Variants in PLXDC2 observed in about 807,000 individuals in gnomAD.
The protein encoded by PLXDC2 is plexin domain-containing protein 2.
In PLXDC2, 40 loss-of-function variants were observed where a neutral mutation model predicts 68.9. The ratio of observed to expected loss-of-function variants is 0.58; its 90% CI spans 0.45 to 0.76. The LOEUF is 0.76. PLXDC2 is among the 30% of genes least tolerant of loss of function. The pLI is 0.00. For synonymous variants in PLXDC2, 243 were observed against 234.2 expected, an observed-to-expected ratio of 1.04 and a Z score of -0.34; for missense variants, 644 against 661.9, an observed-to-expected ratio of 0.97 and a Z score of 0.30.
rs1836206585 is a variant in PLXDC2, at chr10:20,289,790, T to C, written c.*9971T>C. 1 of 152,230 alleles carries C rather than the reference T, an allele frequency of 6.6e-6. No homozygotes were observed. Among genetic ancestry groups the C allele is most frequent in the African/African-American group, 2.4e-5 (1 of 41,462 alleles). The allele number at this position is 152,230 out of a possible 1,614,324, so 9.4% of individuals were successfully genotyped here. On this transcript the variant is annotated 3_prime_UTR_variant, in exon 14 of 14. Transcript: ENST00000377252. ...ATTTTTTAAGAATCATACCTCTGTA[T>C]AGATCTTTTGGACTGTACTGATTAA...
At chr10:19,905,178 C>A (rs1195401295) in intron 1 of PLXDC2, among the ~76,000 whole-genome samples, 1 of 152,154 alleles carries the variant, frequency 6.6e-6, no homozygotes, top group Non-Finnish European at 1.5e-5. Flanking sequence ...GATAGATGAG[C>A]ACAGTTTACT....
intron 2 of PLXDC2, among the ~76,000 whole-genome samples, chr10:20,033,625 T>A (rs1244573116): frequency 6.6e-6 from 1 of 152,080 alleles, no homozygotes; most frequent in Non-Finnish European, 1.5e-5. Context: ...AGAGAGAGCT[T>A]GTGTGGGGTA....
chr10:20,044,291 TTCTTCTTTCTC>T, intron 2 of PLXDC2, among the ~76,000 whole-genome samples: 3 of 131,824 alleles, frequency 2.3e-5, no homozygotes, highest in Non-Finnish European at 4.8e-5. Context: ...CTTTCTTTCT[TTCTTCTTTCTC>T]TCTCTCTCTT....
chr10:20,211,864 GTCT>G, intron 10 of PLXDC2, 135 bp downstream of exon 10: 1 of 781,484 alleles, frequency 1.3e-6, no homozygotes, highest in Non-Finnish European at 2.0e-6. Flanking sequence ...TAAGCCCAAT[GTCT>G]GCAAATATTA....
chr10:20,214,599 G>A (rs1270906203), intron 10 of PLXDC2, among the ~76,000 whole-genome samples: 5 of 152,056 alleles, frequency 3.3e-5, no homozygotes, highest in Non-Finnish European at 7.4e-5. Flanking sequence ...TATTTTTTGA[G>A]TGGGGAGGGG....
chr10:20,217,697 TA>T, intron 11 of PLXDC2, 121 bp downstream of exon 11: 1 of 1,193,124 alleles, frequency 8.4e-7, no homozygotes, highest in Non-Finnish European at 1.1e-6. Context: ...TCTCTAAAGT[TA>T]TTCTTTGGCA....
chr10:19,989,798 G>A (rs1173429251), intron 1 of PLXDC2, among the ~76,000 whole-genome samples: 1 of 144,984 alleles, frequency 6.9e-6, no homozygotes, highest in Non-Finnish European at 1.5e-5. Flanking sequence ...CACCCAGGTT[G>A]GAGTGCAGTG....
intron 1 of PLXDC2, among the ~76,000 whole-genome samples, chr10:19,879,964 CAT>C (rs1010339976): frequency 1.3e-5 from 2 of 152,120 alleles, no homozygotes; most frequent in African/African-American, 4.8e-5. Context: ...TGTTTTGACT[CAT>C]GTGGATTGAC....
At chr10:20,196,391 CT>C (rs1197437510) in intron 9 of PLXDC2, among the ~76,000 whole-genome samples, 2 of 152,130 alleles carry the variant, frequency 1.3e-5, no homozygotes, top group Non-Finnish European at 2.9e-5. Flanking sequence ...CCCATAAGCA[CT>C]TCTCGACCTG....
At chr10:20,130,634 T>A (rs1388230988) in intron 4 of PLXDC2, among the ~76,000 whole-genome samples, 1 of 152,164 alleles carries the variant, frequency 6.6e-6, no homozygotes, top group East Asian at 1.9e-4. Flanking sequence ...GGACTTGTCA[T>A]ACATATTCTT....
rs183926474 is a variant in PLXDC2 at position 19,851,097 on chromosome 10, G to A, written c.112+33906G>A. ...ACAAAGTATTTTATGACATTGATAAGGGTAATAAATAGTGATGTCTTCACA... is the reference window on the plus strand; with the variant it reads ...ACAAAGTATTTTATGACATTGATAAAGGTAATAAATAGTGATGTCTTCACA... On this transcript the variant is annotated intron_variant, in intron 1 of 13. Coordinates refer to ENST00000377252, the MANE Select transcript of PLXDC2 (RefSeq NM_032812.9). Among the ~76,000 whole-genome samples, 350 of 152,238 alleles carry A rather than the reference G, an allele frequency of 2.3e-3. 1 individual carries two copies. The highest frequency in any genetic ancestry group is 8.1e-3 in the African/African-American group (335 of 41,538).
chr10:20,137,876 T>C (rs1267646505), intron 4 of PLXDC2, among the ~76,000 whole-genome samples: 1 of 152,158 alleles, frequency 6.6e-6, no homozygotes, highest in South Asian at 2.1e-4. Flanking sequence ...TTACTGCATG[T>C]CGACATGGTC....
chr10:20,088,899 C>T (rs766616023), intron 4 of PLXDC2, among the ~76,000 whole-genome samples: 1 of 152,130 alleles, frequency 6.6e-6, no homozygotes, highest in East Asian at 1.9e-4. Context: ...ATTAATACTG[C>T]ATATCATTTT....
chr10:20,003,768 C>G (rs1308113534), intron 2 of PLXDC2, among the ~76,000 whole-genome samples: 2 of 152,106 alleles, frequency 1.3e-5, no homozygotes, highest in Non-Finnish European at 2.9e-5. Flanking sequence ...TGAGGAACAT[C>G]TTTGGCTTTT....
At chr10:20,014,269 CTCCTTCCTTCCTTTTT>C (rs1835166004) in intron 2 of PLXDC2, among the ~76,000 whole-genome samples, 2 of 133,660 alleles carry the variant, frequency 1.5e-5, no homozygotes, top group South Asian at 2.5e-4. Context: ...CTCTCTTTCT[CTCCTTCCTTCCTTTTT>C]TCCTTCCTTC....
intron 9 of PLXDC2, among the ~76,000 whole-genome samples, chr10:20,193,256 A>C (rs764854872): frequency 6.6e-6 from 1 of 152,112 alleles, no homozygotes; most frequent in South Asian, 2.1e-4. Flanking sequence ...GGCCTACTAC[A>C]GTACAAGTTT....
intron 9 of PLXDC2, among the ~76,000 whole-genome samples, chr10:20,182,805 C>T (rs1296359750): frequency 1.3e-5 from 2 of 151,810 alleles, no homozygotes; most frequent in African/African-American, 4.8e-5. Flanking sequence ...GGTTTAAGCC[C>T]TGCATGCATT....
intron 12 of PLXDC2, among the ~76,000 whole-genome samples, chr10:20,224,828 TA>T (rs1312127567): frequency 6.6e-6 from 1 of 152,190 alleles, no homozygotes; most frequent in African/African-American, 2.4e-5. Flanking sequence ...AAGGTTTGCT[TA>T]AAAAATATTT....
At chr10:19,821,938 AT>A (rs1836473389) in intron 1 of PLXDC2, among the ~76,000 whole-genome samples, 2 of 151,868 alleles carry the variant, frequency 1.3e-5, no homozygotes, top group Non-Finnish European at 1.5e-5. Flanking sequence ...CTTTGTTTTC[AT>A]TTTTAATAAT....
Sources: gnomAD v4.1 joint callset for allele counts (sites outside exome capture counted in the v4.1 genomes callset) on GRCh38, gnomAD v4.1.1 for gene constraint, MANE v1.5 for transcripts, NCBI Gene and HGNC (gene_info 2026-07-23, HGNC 2026-07-21) for gene names.